Variants in UACA observed in about 807,000 individuals in gnomAD.
The protein encoded by UACA is uveal autoantigen with coiled-coil domains and ankyrin repeats, also known as nuclear membrane binding protein.
Under a neutral mutation model 160.5 loss-of-function variants are expected in UACA, and 112 were observed. The ratio of observed to expected loss-of-function variants is 0.70; its 90% confidence interval spans 0.60 to 0.82. UACA has a LOEUF of 0.82. UACA is among the 40% of genes least tolerant of loss of function. UACA has a pLI of 0.00. For missense variants in UACA, 1,574 were observed against 1,614.6 expected (o/e 0.97, Z 0.43); for synonymous variants, 557 against 568.4 (o/e 0.98, Z 0.29).
chr15:70,669,521 C>T, intron 15 of UACA, 59 bp from the exon 16 acceptor site: 1 of 1,347,462 alleles, frequency 7.4e-7, no homozygotes, highest in Non-Finnish European at 9.9e-7. Context: ...ATTTACTATA[C>T]TTATTTGCCA....
intron 1 of UACA, among the ~76,000 whole-genome samples, chr15:70,704,983 G>A (rs541361987): frequency 3.6e-4 from 55 of 152,248 alleles, no homozygotes; most frequent in Admixed American, 9.2e-4. Context: ...ACAGGATGGC[G>A]TTTGTCGTAT....
At chr15:70,744,010 C>G (rs1048883010) in intron 1 of UACA, among the ~76,000 whole-genome samples, 1 of 151,824 alleles carries the variant, frequency 6.6e-6, no homozygotes, top group Non-Finnish European at 1.5e-5. Flanking sequence ...TTTGGGAGGC[C>G]GAGACGGGCG....
In UACA at chr15:70,660,381, G is replaced by C. The variant is rs1022418253; in HGVS notation, c.4114-165C>G. Reference sequence around the variant, plus strand: ...CCTACCAGATGCAGAATTTCAAAACGTAACAATATAAACTTCTGTAAAGAA... The same window carrying C: ...CCTACCAGATGCAGAATTTCAAAACCTAACAATATAAACTTCTGTAAAGAA... On this transcript the variant is annotated intron_variant, in intron 17 of 18. Coordinates refer to ENST00000322954, the MANE Select transcript of UACA (RefSeq NM_018003.4). The C allele has an allele frequency of 1.8e-5, 10 of 543,424 alleles. No homozygotes were observed. In the South Asian group the frequency reaches 1.9e-4, roughly 11 times the overall value. 33.7% of individuals were successfully genotyped at this position (543,424 alleles called of 1,614,324 possible). A position where few individuals can be genotyped will look rare whatever the true frequency, so the allele number is the denominator to read the frequency against.
At chr15:70,745,049 T>C (rs1477715188) in intron 1 of UACA, among the ~76,000 whole-genome samples, 1 of 152,044 alleles carries the variant, frequency 6.6e-6, no homozygotes, top group Non-Finnish European at 1.5e-5. Flanking sequence ...TGGGGAAAAA[T>C]ATGTATTTTG....
intron 7 of UACA, among the ~76,000 whole-genome samples, chr15:70,686,131 CTT>C (rs748667477): frequency 3.6e-5 from 5 of 139,138 alleles, no homozygotes; most frequent in South Asian, 2.3e-4. Context: ...TTAATCACAT[CTT>C]TTTTTTTTTT....
intron 18 of UACA, among the ~76,000 whole-genome samples, chr15:70,658,533 G>T (rs1238356307): frequency 1.3e-5 from 2 of 152,026 alleles, no homozygotes; most frequent in Non-Finnish European, 2.9e-5. Flanking sequence ...GGTGAAAAAT[G>T]GTATGTTCTT....
chr15:70,659,395 G>GTTTTTTTTTTTTTTTTTTTTTTGTT (rs1896609074), intron 18 of UACA, among the ~76,000 whole-genome samples: 1 of 18,818 alleles, frequency 5.3e-5, no homozygotes, highest in Non-Finnish European at 9.6e-5. Context: ...TTTTTTGTTT[G>GTTTTTTTTTTTTTTTTTTTTTTGTT]TTTTTTTTTT....
At chr15:70,676,440 A>G (rs761940519) in intron 13 of UACA, 53 bp downstream of exon 13, 38 of 1,207,472 alleles carry the variant, frequency 3.1e-5, no homozygotes, top group Non-Finnish European at 4.3e-5. Context: ...TGATGCCAAG[A>G]GCCTTACCAT....
intron 7 of UACA, 56 bp downstream of exon 7, chr15:70,687,484 G>A: frequency 6.5e-7 from 1 of 1,536,468 alleles, no homozygotes; most frequent in Non-Finnish European, 9.0e-7. Context: ...CTTTGACTTG[G>A]CCTTTCCATC....
intron 9 of UACA, chr15:70,681,492 C>T (rs928823493): frequency 1.3e-5 from 2 of 152,146 alleles, no homozygotes; most frequent in African/African-American, 4.8e-5. Context: ...TCCTTGTATT[C>T]ACTTCAATAT....
chr15:70,661,594 T>C (rs1896708144), intron 17 of UACA: 2 of 152,128 alleles, frequency 1.3e-5, no homozygotes, highest in African/African-American at 4.8e-5. Context: ...AACAATTCTA[T>C]GAAATAGGGA....
intron 17 of UACA, chr15:70,661,392 C>T (rs780558044): frequency 6.6e-5 from 10 of 152,032 alleles, no homozygotes; most frequent in Non-Finnish European, 1.5e-4. Flanking sequence ...TTTCTTTATC[C>T]CACTTAGCAC....
rs566572244 is a variant in UACA, at chr15:70,669,154, T to C, written c.1530A>G (p.Glu510=). 5.6e-6 allele frequency: 9 copies of C among 1,614,134 alleles called. No individual in the cohort carries two copies. The highest frequency in any genetic ancestry group is 3.3e-5 in the South Asian group (3 of 91,074). ...KDVQKRMYES[E]GKVKQMQTHF... ...GGGTCTGCATTTGTTTAACTTTACCTTCTGACTCATACATCCTCTTCTGCA... is the reference window on the plus strand; with the variant it reads ...GGGTCTGCATTTGTTTAACTTTACCCTCTGACTCATACATCCTCTTCTGCA... The change falls in exon 16 of 19, where the codon GAA becomes GAG. Residue 510 remains glutamate, a synonymous_variant. Coordinates refer to ENST00000322954, the MANE Select transcript of UACA (RefSeq NM_018003.4).
intron 1 of UACA, among the ~76,000 whole-genome samples, chr15:70,761,372 T>G (rs1451096240): frequency 6.6e-6 from 1 of 151,506 alleles, no homozygotes; most frequent in African/African-American, 2.4e-5. Context: ...ATATTACCTA[T>G]TCAAAAAATA....
intron 1 of UACA, among the ~76,000 whole-genome samples, chr15:70,708,337 G>A (rs557278322): frequency 2.6e-5 from 4 of 152,236 alleles, no homozygotes; most frequent in South Asian, 4.1e-4. Context: ...AAGTTTTAAA[G>A]ATCAGTTGCA....
At chr15:70,761,690 A>T (rs1010344968) in intron 1 of UACA, among the ~76,000 whole-genome samples, 2 of 152,156 alleles carry the variant, frequency 1.3e-5, no homozygotes, top group Non-Finnish European at 2.9e-5. Flanking sequence ...ATAGGTTAAT[A>T]TCATGTTTAT....
chr15:70,777,799 C>T, the UACA span, among the ~76,000 whole-genome samples: 1 of 152,154 alleles, frequency 6.6e-6, no homozygotes. Flanking sequence ...TAATAAGCAA[C>T]TTCTTCAAGT....
intron 1 of UACA, among the ~76,000 whole-genome samples, chr15:70,708,082 T>C (rs1898571759): frequency 1.3e-5 from 2 of 152,214 alleles, no homozygotes; most frequent in Admixed American, 6.5e-5. Flanking sequence ...AATGGAATAC[T>C]ATTTAGCCTT....
At chr15:70,705,460 C>T (rs1898497569) in intron 1 of UACA, among the ~76,000 whole-genome samples, 1 of 151,934 alleles carries the variant, frequency 6.6e-6, no homozygotes, top group African/African-American at 2.4e-5. Flanking sequence ...CGCTTGAACC[C>T]GGCAGGCGGA....
Sources: gnomAD v4.1 joint callset for allele counts (sites outside exome capture counted in the v4.1 genomes callset) on GRCh38, gnomAD v4.1.1 for gene constraint, MANE v1.5 for transcripts, NCBI Gene and HGNC (gene_info 2026-07-23, HGNC 2026-07-21) for gene names.